The following SORCS2 variants were observed in gnomAD, a reference collection of about 807,000 sequenced individuals.
The protein encoded by SORCS2 is sortilin related VPS10 domain containing receptor 2.
A neutral mutation model predicts 141.6 loss-of-function variants in SORCS2; 100 were observed. The observed-to-expected ratio is 0.71, with a 90% CI of 0.60 to 0.83. The LOEUF is 0.83. Ranked by LOEUF, SORCS2 falls within the 40% of genes least tolerant of loss-of-function variation. The probability of loss-of-function intolerance (pLI) is 0.00; values close to 1 mark genes in which losing one functional copy is unlikely to be tolerated. For missense variants in SORCS2, 1,646 were observed against 1,560.2 expected, an observed-to-expected ratio of 1.05 and a Z score of -0.93; for synonymous variants, 789 against 676.9, an observed-to-expected ratio of 1.17 and a Z score of -2.57.
chr4:7,700,173 G>T (rs1724970534), intron 12 of SORCS2, among the ~76,000 whole-genome samples: 1 of 152,200 alleles, frequency 6.6e-6, no homozygotes, highest in African/African-American at 2.4e-5. Context: ...GTTTCCCCAA[G>T]TTCCACTTGC....
intron 1 of SORCS2, among the ~76,000 whole-genome samples, chr4:7,376,901 C>A (rs1332240433): frequency 6.6e-6 from 1 of 152,150 alleles, no homozygotes; most frequent in Non-Finnish European, 1.5e-5. Context: ...TGACCCCCAC[C>A]CCCACCCAGC....
chr4:7,214,908 G>T (rs967539098), intron 1 of SORCS2, among the ~76,000 whole-genome samples: 1 of 152,120 alleles, frequency 6.6e-6, no homozygotes, highest in African/African-American at 2.4e-5. Flanking sequence ...TGTGGGTGTG[G>T]TGCCAACTTT....
intron 1 of SORCS2, among the ~76,000 whole-genome samples, chr4:7,308,460 T>A (rs1717974731): frequency 6.6e-6 from 1 of 152,178 alleles, no homozygotes; most frequent in Non-Finnish European, 1.5e-5. Flanking sequence ...CCTGCTCTTC[T>A]TCCGATGCCA....
intron 4 of SORCS2, among the ~76,000 whole-genome samples, chr4:7,649,958 GATGTGGC>G (rs1721325796): frequency 6.6e-6 from 1 of 152,194 alleles, no homozygotes; most frequent in South Asian, 2.1e-4. Flanking sequence ...AGAGCCAGCA[GATGTGGC>G]CTCTGATCCT....
intron 1 of SORCS2, among the ~76,000 whole-genome samples, chr4:7,335,944 G>A (rs552799560): frequency 8.9e-4 from 135 of 152,322 alleles, no homozygotes; most frequent in African/African-American, 3.1e-3. Context: ...GACCCAGCTC[G>A]TGTCTCAGCT....
intron 2 of SORCS2, chr4:7,433,770 C>T (rs755991782): frequency 2.0e-5 from 32 of 1,613,340 alleles, no homozygotes; most frequent in Non-Finnish European, 2.5e-5. Flanking sequence ...CCCGGGCCCG[C>T]CTCCGGTTGC....
Position 7,682,739 on chromosome 4 carries a change from C to A in SORCS2, c.1342-4C>A, listed in dbSNP as rs750108908. 1 of 1,605,048 alleles carries A rather than the reference C, an allele frequency of 6.2e-7. No homozygotes were observed. Among genetic ancestry groups the A allele is most frequent in the African/African-American group, 1.3e-5 (1 of 74,732 alleles). Reference sequence around the variant, plus strand: ...TTACAGTCCTTCTTTTATTTTTGTCCCAGGTCAGAGGGGTGAAAGGAGTCT... The same window carrying A: ...TTACAGTCCTTCTTTTATTTTTGTCACAGGTCAGAGGGGTGAAAGGAGTCT... On this transcript the variant is annotated splice_region_variant and splice_polypyrimidine_tract_variant and intron_variant, in intron 9 of 26. Transcript: ENST00000507866.
At chr4:7,613,172 A>C (rs1252143580) in intron 3 of SORCS2, among the ~76,000 whole-genome samples, 1 of 152,272 alleles carries the variant, frequency 6.6e-6, no homozygotes, top group Non-Finnish European at 1.5e-5. Flanking sequence ...AGGGCTGAAC[A>C]AGCATCGGGG....
At chr4:7,727,017 T>G (rs1371330400) in intron 21 of SORCS2, 114 bp downstream of exon 21, 5 of 1,249,648 alleles carry the variant, frequency 4.0e-6, no homozygotes, top group African/African-American at 1.5e-5. Flanking sequence ...TGAGTGGCCC[T>G]GGGGTGGGGA....
chr4:7,403,928 C>G (rs1724749604), intron 2 of SORCS2, among the ~76,000 whole-genome samples: 1 of 135,506 alleles, frequency 7.4e-6, no homozygotes, highest in Non-Finnish European at 1.6e-5. Context: ...TTCCAAGTCT[C>G]CACTGCCTGT....
In SORCS2 at chr4:7,663,497, G is replaced by T. The variant is rs1226344839; in HGVS notation, c.953-856G>T. On this transcript the variant is annotated intron_variant, in intron 6 of 26. Transcript: ENST00000507866. This position sits in a 1 kb window ranked among gnomAD's most constrained non-coding sequence, Gnocchi z 4.8. ...GTCAGTTTCAAGGGAACATGGATGT[G>T]GCTCAGGAGGGCTTGGCAGTGGCCT... 6.6e-6 allele frequency among the ~76,000 whole-genome samples: 1 copy of T among 152,238 alleles called. No homozygotes were observed.
chr4:7,719,140 G>A (rs1420251654), intron 18 of SORCS2, among the ~76,000 whole-genome samples: 1 of 152,230 alleles, frequency 6.6e-6, no homozygotes, highest in Admixed American at 6.5e-5. Context: ...GGGAGATGCA[G>A]CTAGTGCGGC....
chr4:7,647,329 G>A (rs972284814), intron 4 of SORCS2, among the ~76,000 whole-genome samples: 2 of 152,126 alleles, frequency 1.3e-5, no homozygotes, highest in African/African-American at 4.8e-5. Context: ...GCTTAACAAC[G>A]TGAACTCCCA....
intron 2 of SORCS2, among the ~76,000 whole-genome samples, chr4:7,491,255 G>A (rs1577651641): frequency 6.6e-6 from 1 of 152,136 alleles, no homozygotes; most frequent in African/African-American, 2.4e-5. Flanking sequence ...CCCATGCTCA[G>A]CCTCCAGCAT....
At chr4:7,323,478 C>T (rs920427742) in intron 1 of SORCS2, among the ~76,000 whole-genome samples, 1 of 152,102 alleles carries the variant, frequency 6.6e-6, no homozygotes, top group Non-Finnish European at 1.5e-5. Context: ...CCTGAGGAGA[C>T]CACGTTCAGA....
At chr4:7,335,959 C>A (rs6817655) in intron 1 of SORCS2, among the ~76,000 whole-genome samples, 4,663 of 151,888 alleles carry the variant, frequency 0.031, 96 homozygotes, top group Middle Eastern at 0.082. Context: ...TCAGCTCTGC[C>A]CCCTCCTGGC....
At chr4:7,500,472 C>T (rs1731896155) in intron 2 of SORCS2, among the ~76,000 whole-genome samples, 1 of 152,128 alleles carries the variant, frequency 6.6e-6, no homozygotes, top group Non-Finnish European at 1.5e-5. Context: ...CACTGAAGGC[C>T]TCATCTGCTT....
intron 1 of SORCS2, among the ~76,000 whole-genome samples, chr4:7,311,808 T>A (rs1356521753): frequency 1.3e-5 from 2 of 152,246 alleles, no homozygotes; most frequent in Non-Finnish European, 2.9e-5. Context: ...TTATCATGTA[T>A]GTGATTTGCA....
At chr4:7,325,812 A>G (rs78049794) in intron 1 of SORCS2, among the ~76,000 whole-genome samples, 4,012 of 152,194 alleles carry the variant, frequency 0.026, 186 homozygotes, top group African/African-American at 0.092. Flanking sequence ...TCAGGCACAG[A>G]GACACCCGTT....
Sources: allele counts gnomAD v4.1 joint callset (sites outside exome capture counted in the v4.1 genomes callset), GRCh38; gene constraint gnomAD v4.1.1; non-coding constraint Gnocchi (gnomAD v3.1); transcripts MANE v1.5; gene names NCBI Gene and HGNC (gene_info 2026-07-23, HGNC 2026-07-21).